Variants in TMPRSS15 observed in about 807,000 individuals in gnomAD.
TMPRSS15 encodes enteropeptidase.
TMPRSS15 carries 128 observed loss-of-function variants against 125.3 expected under a neutral mutation model. That is an observed-to-expected ratio of 1.02 (90% CI 0.89 to 1.18). The LOEUF (loss-of-function observed/expected upper bound fraction) is 1.18, where lower values mean the gene tolerates loss of function less well. TMPRSS15 is among the 50% of genes most tolerant of loss of function. The pLI is 0.00. For missense variants in TMPRSS15, 1,283 were observed against 1,212.7 expected (o/e 1.06, Z -0.86); for synonymous variants, 446 against 423.2 (o/e 1.05, Z -0.66).
intron 1 of TMPRSS15, among the ~76,000 whole-genome samples, chr21:18,446,165 C>A (rs1239280075): frequency 6.6e-6 from 1 of 151,952 alleles, no homozygotes; most frequent in Non-Finnish European, 1.5e-5. Context: ...ATGCCAGCAG[C>A]AAACGATCTG....
chr21:18,437,998 A>G (rs2076231874), intron 1 of TMPRSS15, among the ~76,000 whole-genome samples: 1 of 151,560 alleles, frequency 6.6e-6, no homozygotes, highest in Non-Finnish European at 1.5e-5. Context: ...AGGACTATAA[A>G]TCATGCTGCT....
intron 1 of TMPRSS15, among the ~76,000 whole-genome samples, chr21:18,454,832 T>G (rs1050152616): frequency 6.6e-6 from 1 of 152,120 alleles, no homozygotes; most frequent in Non-Finnish European, 1.5e-5. Context: ...TCCAGAAACA[T>G]CCTCACAGAC....
At chr21:18,481,913 T>A (rs138860389) in intron 1 of TMPRSS15, among the ~76,000 whole-genome samples, 1 of 151,696 alleles carries the variant, frequency 6.6e-6, no homozygotes, top group Non-Finnish European at 1.5e-5. Context: ...GAGGAAAACA[T>A]GAAAGCAAAT....
chr21:18,298,264 G>A (rs113037185), intron 18 of TMPRSS15, among the ~76,000 whole-genome samples: 1 of 151,442 alleles, frequency 6.6e-6, no homozygotes, highest in East Asian at 1.9e-4. Flanking sequence ...TCTTTTTTTT[G>A]GCTCATCTTT....
At chr21:18,437,382 A>G (rs1462673210) in intron 1 of TMPRSS15, among the ~76,000 whole-genome samples, 1 of 152,120 alleles carries the variant, frequency 6.6e-6, no homozygotes, top group Non-Finnish European at 1.5e-5. Context: ...CTAGAAGAAA[A>G]CCTAGGCATT....
At chr21:18,408,185 T>C (rs1205948532), upstream of TMPRSS15, among the ~76,000 whole-genome samples, 1 of 152,196 alleles carries the variant, frequency 6.6e-6, no homozygotes, top group African/African-American at 2.4e-5. Flanking sequence ...ACATATAGTG[T>C]TCATTTGTTC....
At chr21:18,296,273 G>A (rs1164461132) in intron 19 of TMPRSS15, among the ~76,000 whole-genome samples, 2 of 152,100 alleles carry the variant, frequency 1.3e-5, no homozygotes, top group African/African-American at 2.4e-5. Flanking sequence ...TAGCGCAAGG[G>A]CATTTTCAAA....
At chr21:18,397,457 CTACTT>C (rs981316074) in intron 3 of TMPRSS15, among the ~76,000 whole-genome samples, 4 of 152,200 alleles carry the variant, frequency 2.6e-5, no homozygotes, top group Admixed American at 1.3e-4. Context: ...TATTGAGCAC[CTACTT>C]TACTTTAAGC....
At chr21:18,272,838 A>C (rs947501415) in intron 24 of TMPRSS15, among the ~76,000 whole-genome samples, 1 of 152,228 alleles carries the variant, frequency 6.6e-6, no homozygotes, top group Non-Finnish European at 1.5e-5. Flanking sequence ...TTCTAGTGAG[A>C]TGCTATATTT....
intron 18 of TMPRSS15, among the ~76,000 whole-genome samples, chr21:18,306,720 T>C (rs1032961948): frequency 6.6e-6 from 1 of 152,108 alleles, no homozygotes; most frequent in East Asian, 1.9e-4. Context: ...ATATCATTTA[T>C]ATATTGGGTT....
At chr21:18,439,275 G>T (rs189508597) in intron 1 of TMPRSS15, among the ~76,000 whole-genome samples, 32 of 152,228 alleles carry the variant, frequency 2.1e-4, no homozygotes, top group Admixed American at 6.5e-4. Flanking sequence ...GAAGGAGCAA[G>T]AATTTCTATG....
intron 1 of TMPRSS15, among the ~76,000 whole-genome samples, chr21:18,431,787 C>A (rs1423064491): frequency 6.6e-6 from 1 of 152,038 alleles, no homozygotes; most frequent in Non-Finnish European, 1.5e-5. Flanking sequence ...TCTATGCGAT[C>A]AAAAATGCCT....
chr21:18,317,764 CAT>C, intron 16 of TMPRSS15, among the ~76,000 whole-genome samples: 1 of 73,586 alleles, frequency 1.4e-5, no homozygotes. Context: ...TTTCCCATCC[CAT>C]CCCATCCCAT....
At chr21:18,466,053 C>T (rs1978653346) in intron 1 of TMPRSS15, among the ~76,000 whole-genome samples, 2 of 151,992 alleles carry the variant, frequency 1.3e-5, no homozygotes, top group South Asian at 4.1e-4. Context: ...GGTACTGGTA[C>T]CAAAACAGAT....
chr21:18,270,644 T>A (rs2074544068), intron 24 of TMPRSS15, among the ~76,000 whole-genome samples: 2 of 152,188 alleles, frequency 1.3e-5, no homozygotes, highest in African/African-American at 4.8e-5. Context: ...TGAAAAACAT[T>A]TCAACTGAAA....
At chr21:18,397,805 T>C in intron 3 of TMPRSS15, 74 bp downstream of exon 3, 3 of 823,210 alleles carry the variant, frequency 3.6e-6, no homozygotes, top group Non-Finnish European at 3.9e-6. Flanking sequence ...CTATATATAG[T>C]GATGCTATTT....
At chr21:18,398,950 C>T (rs142110452) in intron 1 of TMPRSS15, among the ~76,000 whole-genome samples, 73 of 151,494 alleles carry the variant, frequency 4.8e-4, no homozygotes, top group African/African-American at 1.6e-3. Flanking sequence ...TAGATAACCT[C>T]ACTAGGAAAA....
At chr21:18,335,318 T>C (rs1322880873) in intron 13 of TMPRSS15, among the ~76,000 whole-genome samples, 1 of 152,228 alleles carries the variant, frequency 6.6e-6, no homozygotes, top group East Asian at 1.9e-4. Context: ...TTACCATTAT[T>C]CTTATTTTAT....
intron 18 of TMPRSS15, among the ~76,000 whole-genome samples, chr21:18,298,983 C>T (rs377554712): frequency 4.5e-4 from 69 of 152,286 alleles, no homozygotes; most frequent in African/African-American, 1.5e-3. Context: ...ATCTACTGAA[C>T]GTAGAGCTGG....
Sources: allele counts gnomAD v4.1 joint callset (sites outside exome capture counted in the v4.1 genomes callset), GRCh38; gene constraint gnomAD v4.1.1; transcripts MANE v1.5; gene names NCBI Gene and HGNC (gene_info 2026-07-23, HGNC 2026-07-21).